The following SLC48A1 variants were observed in gnomAD, a reference collection of about 807,000 sequenced individuals.
SLC48A1 encodes solute carrier family 48 member 1.
Under a neutral mutation model 14.8 loss-of-function variants are expected in SLC48A1, and 6 were observed. The ratio of observed to expected loss-of-function variants is 0.41; its 90% CI spans 0.22 to 0.80. The LOEUF (loss-of-function observed/expected upper bound fraction) is 0.80, where lower values mean the gene tolerates loss of function less well. Among genes scored for constraint, SLC48A1 ranks in the 30% least tolerant of loss-of-function variants. The pLI is 0.34. For missense variants in SLC48A1, 165 were observed against 204.8 expected, an observed-to-expected ratio of 0.81 and a Z score of 1.19; for synonymous variants, 89 against 90.0, an observed-to-expected ratio of 0.99 and a Z score of 0.06.
intron 1 of SLC48A1, 107 bp downstream of exon 1, chr12:47,773,547 TG>T: frequency 8.1e-7 from 1 of 1,229,336 alleles, no homozygotes; most frequent in Non-Finnish European, 1.0e-6. Flanking sequence ...GCGGAGCGGG[TG>T]GAGTGTTTAC....
At chr12:47,760,875 T>C (rs1461462392) in intron 2 of SLC48A1, among the ~76,000 whole-genome samples, 1 of 152,176 alleles carries the variant, frequency 6.6e-6, no homozygotes, top group Non-Finnish European at 1.5e-5. Flanking sequence ...TAATGTAGAC[T>C]AGACTGCCTA....
upstream of SLC48A1, among the ~76,000 whole-genome samples, chr12:47,756,772 C>T (rs1942083105): frequency 6.6e-6 from 1 of 151,998 alleles, no homozygotes; most frequent in Non-Finnish European, 1.5e-5. Context: ...CGATCAAGAC[C>T]ATCCTGGCCA....
chr12:47,767,115 G>A (rs1425681466), upstream of SLC48A1, among the ~76,000 whole-genome samples: 1 of 151,410 alleles, frequency 6.6e-6, no homozygotes, highest in East Asian at 2.0e-4. Flanking sequence ...GGAGAGGGAA[G>A]GAATCTACCT....
At chr12:47,767,196 G>C (rs535079087), upstream of SLC48A1, among the ~76,000 whole-genome samples, 1 of 151,974 alleles carries the variant, frequency 6.6e-6, no homozygotes, top group East Asian at 1.9e-4. Context: ...GGCTGGGGTG[G>C]GGGGGTGGAG....
At chr12:47,776,632 G>C (rs1942760929) in intron 1 of SLC48A1, among the ~76,000 whole-genome samples, 1 of 152,164 alleles carries the variant, frequency 6.6e-6, no homozygotes, top group South Asian at 2.1e-4. Flanking sequence ...GCAGGGCCTG[G>C]AGCAAGGTTG....
At chr12:47,765,565 C>T (rs550791834) in intron 2 of SLC48A1, among the ~76,000 whole-genome samples, 1 of 152,220 alleles carries the variant, frequency 6.6e-6, no homozygotes, top group Non-Finnish European at 1.5e-5. Flanking sequence ...GCTGAGGGTG[C>T]CTGCTGGGCC....
chr12:47,754,699 ATGT>A (rs1941950715), upstream of SLC48A1, among the ~76,000 whole-genome samples: 1 of 152,202 alleles, frequency 6.6e-6, no homozygotes, highest in African/African-American at 2.4e-5. Context: ...ACTTGATCAG[ATGT>A]TATTATTTCA....
chr12:47,780,527 C>G lies in SLC48A1; in HGVS notation c.*246C>G. On this transcript the variant is annotated 3_prime_UTR_variant, in exon 3 of 3. Transcript: ENST00000442218. ...GCCTGGCCAGAGGGCAGCTTTAGAC[C>G]TTTTCAAATGAATCTGTTTTCTTTT... 1.3e-6 allele frequency: 1 copy of G among 758,044 alleles called. No homozygotes were observed. Among genetic ancestry groups the G allele is most frequent in the Non-Finnish European group, 2.5e-6 (1 of 405,676 alleles). The allele number at this position is 758,044 out of a possible 1,614,324, so 47.0% of individuals were successfully genotyped here. A position where few individuals can be genotyped will look rare whatever the true frequency, so the allele number is the denominator to read the frequency against.
At chr12:47,767,515 T>C (rs1942541883), upstream of SLC48A1, among the ~76,000 whole-genome samples, 1 of 152,182 alleles carries the variant, frequency 6.6e-6, no homozygotes. Context: ...TTCTGGGACG[T>C]GGAACTTTTT....
intron 1 of SLC48A1, 147 bp from the exon 2 acceptor site, chr12:47,778,881 C>A (rs1049885276): frequency 2.2e-6 from 2 of 925,390 alleles, no homozygotes; most frequent in African/African-American, 1.7e-5. Flanking sequence ...TCTGATATCA[C>A]AGCCTCCGAA....
upstream of SLC48A1, chr12:47,773,166 G>A: frequency 1.0e-6 from 1 of 984,192 alleles, no homozygotes; most frequent in Non-Finnish European, 1.2e-6. Context: ...CTGTGCGGGC[G>A]GCGCTGGGGG....
chr12:47,769,297 GCTGTGCAT>G (rs1360901166), upstream of SLC48A1: 5 of 152,318 alleles, frequency 3.3e-5, no homozygotes, highest in African/African-American at 1.2e-4. Context: ...AGGGAGAATG[GCTGTGCAT>G]CTTGTAGGGG....
At chr12:47,770,980 C>T (rs1041833777), upstream of SLC48A1, 10 of 454,850 alleles carry the variant, frequency 2.2e-5, no homozygotes, top group East Asian at 2.1e-4. Context: ...CTCCGGACCA[C>T]GGGGCTTGCT....
intron 2 of SLC48A1, 74 bp from the exon 3 acceptor site, chr12:47,780,071 C>T: frequency 4.1e-6 from 6 of 1,454,552 alleles, no homozygotes; most frequent in Non-Finnish European, 5.5e-6. Context: ...GGAGGGTGGC[C>T]CTGGCCTTGT....
chr12:47,767,999 A>G (rs111448798), upstream of SLC48A1, among the ~76,000 whole-genome samples: 19,552 of 151,882 alleles, frequency 0.13, 1,585 homozygotes, highest in Non-Finnish European at 0.18. Flanking sequence ...TTTTCTTGAG[A>G]CGGAGTCTCA....
intron 1 of SLC48A1, 124 bp from the exon 2 acceptor site, chr12:47,778,904 A>G (rs1942805546): frequency 8.5e-7 from 1 of 1,180,758 alleles, no homozygotes; most frequent in Non-Finnish European, 1.1e-6. Context: ...GGAAAACTCC[A>G]TTCTATGAGG....
chr12:47,757,741 C>A (rs548586918), upstream of SLC48A1: 34 of 900,696 alleles, frequency 3.8e-5, no homozygotes, highest in Non-Finnish European at 5.5e-5. Context: ...CCAGTGTCCA[C>A]GGCAGCTGTA....
upstream of SLC48A1, among the ~76,000 whole-genome samples, chr12:47,770,000 G>A (rs904081652): frequency 3.9e-5 from 6 of 152,220 alleles, no homozygotes; most frequent in African/African-American, 9.6e-5. Flanking sequence ...TATGGAGGGT[G>A]CAGATATGGA....
rs369263407 is a variant in SLC48A1 at position 47,780,422 on chromosome 12, C to A, written c.*141C>A. 9.5e-5 allele frequency: 127 copies of A among 1,334,722 alleles called. No homozygotes were observed. The highest frequency in any genetic ancestry group is 1.3e-4 in the Non-Finnish European group (117 of 925,738). The allele number at this position is 1,334,722 out of a possible 1,614,324, so 82.7% of individuals were successfully genotyped here. A position where few individuals can be genotyped will look rare whatever the true frequency, so the allele number is the denominator to read the frequency against. Reference sequence around the variant, plus strand: ...ACACAGCAGGACGAGTGTGGTCTCCCAGGAAGCTGTCCTGCCCGTCCCCTT... The same window carrying A: ...ACACAGCAGGACGAGTGTGGTCTCCAAGGAAGCTGTCCTGCCCGTCCCCTT... On this transcript the variant is annotated 3_prime_UTR_variant, in exon 3 of 3. Coordinates refer to ENST00000442218, the MANE Select transcript of SLC48A1 (RefSeq NM_017842.3).
Sources: gnomAD v4.1 joint callset for allele counts (sites outside exome capture counted in the v4.1 genomes callset) on GRCh38, gnomAD v4.1.1 for gene constraint, MANE v1.5 for transcripts, NCBI Gene and HGNC (gene_info 2026-07-23, HGNC 2026-07-21) for gene names.